The following APC variants were observed in gnomAD, a reference collection of about 807,000 sequenced individuals.
APC encodes the protein adenomatous polyposis coli protein.
Under a neutral mutation model 247.0 loss-of-function variants are expected in APC, and 72 were observed. The ratio of observed to expected loss-of-function variants is 0.29; its 90% CI spans 0.24 to 0.35. APC has a LOEUF of 0.35. Among genes scored for constraint, APC ranks in the 10% least tolerant of loss-of-function variants. The pLI, the probability that APC is intolerant of heterozygous loss-of-function variation, is 1.00. For synonymous variants in APC, 1,254 were observed against 1,162.5 expected (o/e 1.08, Z -1.60); for missense variants, 3,400 against 3,360.7 (o/e 1.01, Z -0.29).
At chr5:112,709,830 G>C (rs1423538611) in intron 1 of APC, among the ~76,000 whole-genome samples, 1 of 152,136 alleles carries the variant, frequency 6.6e-6, no homozygotes, top group Admixed American at 6.5e-5. Context: ...GTTGGAGCCC[G>C]GGATGTGGAG....
At chr5:112,713,246 A>G (rs943287773) in intron 1 of APC, among the ~76,000 whole-genome samples, 3 of 151,504 alleles carry the variant, frequency 2.0e-5, no homozygotes, top group South Asian at 2.1e-4. Context: ...TAGCTGTGCT[A>G]TGATTTCATC....
chr5:112,826,583 T>C (rs1763680792), intron 11 of APC, among the ~76,000 whole-genome samples: 1 of 123,628 alleles, frequency 8.1e-6, no homozygotes, highest in Admixed American at 9.2e-5. Flanking sequence ...TGATCATTTT[T>C]TGTAAAAAAA....
chr5:112,717,188 C>T (rs1751221574), intron 1 of APC, among the ~76,000 whole-genome samples: 2 of 151,916 alleles, frequency 1.3e-5, no homozygotes, highest in African/African-American at 2.4e-5. Flanking sequence ...TTTTTTTGTA[C>T]TTTGAGTAGA....
chr5:112,839,013 C>T lies in APC; in HGVS notation c.3419C>T (p.Pro1140Leu), dbSNP rs1060503351. The T allele has an allele frequency of 6.2e-7, 1 of 1,613,938 alleles. No homozygotes were observed. Among genetic ancestry groups the T allele is most frequent in the Non-Finnish European group, 8.5e-7 (1 of 1,179,994 alleles). ...GAAGATGACTATGAAGATGATAAGCCTACCAATTATAGTGAACGTTACTCT... is the reference window on the plus strand; with the variant it reads ...GAAGATGACTATGAAGATGATAAGCTTACCAATTATAGTGAACGTTACTCT... ...CQEDDYEDDK[P>L]TNYSERYSEE... The change falls in exon 16 of 16, where the codon CCT becomes CTT. Residue 1140 changes from proline (P) to leucine (L), a missense_variant. Pro to Leu is a moderately conservative substitution (Grantham distance 98). Transcript: ENST00000257430. The surrounding 1 kb of genome is among the most constrained non-coding windows in gnomAD (Gnocchi z 5.0).
At chr5:112,729,916 G>A (rs149524598) in intron 1 of APC, among the ~76,000 whole-genome samples, 1 of 152,296 alleles carries the variant, frequency 6.6e-6, no homozygotes, top group East Asian at 1.9e-4. Context: ...GAGTTGTTGA[G>A]TCATCACAGT....
rs554955869 is a variant in APC, at chr5:112,759,949, C to T, written c.135+4924C>T. Among the ~76,000 whole-genome samples, 82 of 152,220 alleles carry T rather than the reference C, an allele frequency of 5.4e-4. 1 individual carries two copies. Among genetic ancestry groups the T allele is most frequent in the South Asian group, 1.9e-3 (9 of 4,810 alleles). Reference sequence around the variant, plus strand: ...TATGCAGCCCCCAAGAAATCTGTCCCACTCAAAAACTAGAAAACACTGGAT... The same window carrying T: ...TATGCAGCCCCCAAGAAATCTGTCCTACTCAAAAACTAGAAAACACTGGAT... On this transcript the variant is annotated intron_variant, in intron 2 of 15. Coordinates refer to ENST00000257430, the MANE Select transcript of APC (RefSeq NM_000038.6).
At chr5:112,800,587 G>T (rs916105156) in intron 7 of APC, among the ~76,000 whole-genome samples, 2 of 151,928 alleles carry the variant, frequency 1.3e-5, no homozygotes, top group African/African-American at 4.8e-5. Context: ...AAGCATATAG[G>T]TGTTTCTATA....
At chr5:112,775,578 G>A (rs1757533759) in intron 4 of APC, 51 bp from the exon 5 acceptor site, 1 of 1,121,836 alleles carries the variant, frequency 8.9e-7, no homozygotes. Context: ...CTCTTCTGCA[G>A]TCTTTATTAG....
chr5:112,757,602 A>G (rs1001757490), intron 2 of APC, among the ~76,000 whole-genome samples: 1 of 152,050 alleles, frequency 6.6e-6, no homozygotes, highest in Non-Finnish European at 1.5e-5. Context: ...GGTGTGGCGT[A>G]TATCTGTGGT....
chr5:112,717,402 A>G (rs1297563469), intron 1 of APC, among the ~76,000 whole-genome samples: 1 of 152,092 alleles, frequency 6.6e-6, no homozygotes, highest in Non-Finnish European at 1.5e-5. Flanking sequence ...AAGTTAATGC[A>G]TGTCTTTACC....
chr5:112,782,833 C>A (rs1472795173), intron 6 of APC, among the ~76,000 whole-genome samples: 1 of 151,974 alleles, frequency 6.6e-6, no homozygotes, highest in Non-Finnish European at 1.5e-5. Context: ...GAAAAGATAA[C>A]TTACAAATTG....
At chr5:112,749,743 C>G (rs1257227882) in intron 1 of APC, among the ~76,000 whole-genome samples, 1 of 151,794 alleles carries the variant, frequency 6.6e-6, no homozygotes, top group African/African-American at 2.4e-5. Flanking sequence ...CCTTGGCCTC[C>G]CAAAGTGCTG....
intron 7 of APC, among the ~76,000 whole-genome samples, chr5:112,795,443 G>A (rs948379791): frequency 3.3e-5 from 5 of 152,208 alleles, no homozygotes; most frequent in South Asian, 2.1e-4. Flanking sequence ...GCCACATGAG[G>A]ATTAAACTCG....
Position 112,842,880 on chromosome 5 carries a change from C to G in APC, c.7286C>G (p.Ser2429Cys), listed in dbSNP as rs1060503363. The G allele has an allele frequency of 6.2e-7, 1 of 1,614,014 alleles. No homozygotes were observed. The highest frequency in any genetic ancestry group is 8.5e-7 in the Non-Finnish European group (1 of 1,179,948). ...MSSTKSSGSE[S>C]DRSERPVLVR... Reference sequence around the variant, plus strand: ...TCAACTAAATCAAGTGGAAGTGAATCTGATAGATCAGAAAGACCTGTATTA... The same window carrying G: ...TCAACTAAATCAAGTGGAAGTGAATGTGATAGATCAGAAAGACCTGTATTA... The change falls in exon 16 of 16, where the codon TCT becomes TGT. Residue 2429 changes from serine to cysteine, a missense_variant. Physicochemically the swap from Ser to Cys is moderately radical, Grantham distance 112. Around this residue, in one of 9 missense-constraint regions of APC, gnomAD observed 1,788 missense variants for 1,649.5 expected, o/e 1.08. Transcript: ENST00000257430.
chr5:112,839,382 G>A lies in APC; in HGVS notation c.3788G>A (p.Cys1263Tyr), dbSNP rs1554085309. 13 of 1,614,140 alleles carry A rather than the reference G, an allele frequency of 8.1e-6. No homozygotes were observed. The highest frequency in any genetic ancestry group is 1.1e-5 in the Non-Finnish European group (13 of 1,180,002). The change falls in exon 16 of 16, where the codon TGT becomes TAT. Residue 1263 changes from cysteine (C) to tyrosine (Y), a missense_variant. Transcript: ENST00000257430. This position sits in a 1 kb window ranked among gnomAD's most constrained non-coding sequence, Gnocchi z 5.0. ...AACCAAGAAACAATACAGACTTATT[G>A]TGTAGAAGATACTCCAATATGTTTT... ...SINQETIQTY[C>Y]VEDTPICFSR...
rs1554083892 is a variant in APC at position 112,837,610 on chromosome 5, T to C, written c.2016T>C (p.His672=). 4 of 1,612,238 alleles carry C rather than the reference T, an allele frequency of 2.5e-6. No individual in the cohort carries two copies. In the African/African-American group the frequency reaches 5.3e-5, roughly 21 times the overall value. Residue 672 remains histidine (H), a synonymous_variant, in exon 16 of 16, where the codon CAT becomes CAC. Transcript: ENST00000257430. The stretch of plus-strand genomic sequence containing the variant: ...CTTTATTACAACACTTAAAATCTCA[T>C]AGTTTGACAATAGTCAGTAATGCAT... ...LQTLLQHLKS[H]SLTIVSNACG...
intron 1 of APC, among the ~76,000 whole-genome samples, chr5:112,744,084 C>T (rs560422003): frequency 1.8e-4 from 28 of 152,010 alleles, no homozygotes; most frequent in African/African-American, 6.5e-4. Context: ...ACAAGTGATC[C>T]TCCCACCTCA....
chr5:112,776,163 C>T (rs1757625103), intron 5 of APC, among the ~76,000 whole-genome samples: 1 of 152,124 alleles, frequency 6.6e-6, no homozygotes, highest in Non-Finnish European at 1.5e-5. Context: ...GATATAAATG[C>T]CAATAGCTAT....
At chr5:112,751,237 T>C (rs186307465) in intron 1 of APC, among the ~76,000 whole-genome samples, 10 of 152,198 alleles carry the variant, frequency 6.6e-5, no homozygotes, top group Admixed American at 6.5e-4. Flanking sequence ...AACTAATCTA[T>C]TGGTACAATA....
Sources: gnomAD v4.1 joint callset for allele counts (sites outside exome capture counted in the v4.1 genomes callset) on GRCh38, gnomAD v4.1.1 for gene constraint, gnomAD v4.1.1 regional missense constraint, Gnocchi (gnomAD v3.1) non-coding constraint, MANE v1.5 for transcripts, NCBI Gene and HGNC (gene_info 2026-07-23, HGNC 2026-07-21) for gene names.